The following TAS2R1 variants were observed in gnomAD, a reference collection of about 807,000 sequenced individuals.
The protein encoded by TAS2R1 is taste receptor type 2 member 1.
For missense variants in TAS2R1, 370 were observed against 353.4 expected, an observed-to-expected ratio of 1.05 and a Z score of -0.38; for synonymous variants, 141 against 134.2, an observed-to-expected ratio of 1.05 and a Z score of -0.35.
At chr5:9,875,980 T>C in the TAS2R1 span, among the ~76,000 whole-genome samples, 1 of 152,168 alleles carries the variant, frequency 6.6e-6, no homozygotes, top group Non-Finnish European at 1.5e-5. Context: ...ACTCCCACTT[T>C]GCCCCATGTC....
chr5:9,802,431 C>G, the TAS2R1 span, among the ~76,000 whole-genome samples: 1 of 152,168 alleles, frequency 6.6e-6, no homozygotes, highest in Non-Finnish European at 1.5e-5. Context: ...GAACAAGCAG[C>G]CCTTGAGTCC....
intron 1 of TAS2R1, among the ~76,000 whole-genome samples, chr5:9,701,218 G>C (rs936307687): frequency 9.5e-6 from 1 of 105,100 alleles, no homozygotes. Context: ...TGGCAGACAC[G>C]CAGACACACA....
chr5:9,778,340 G>C, the TAS2R1 span, among the ~76,000 whole-genome samples: 1 of 152,218 alleles, frequency 6.6e-6, no homozygotes, highest in African/African-American at 2.4e-5. Context: ...AGAGCAGGCA[G>C]AGTAGATTTA....
At chr5:9,887,187 C>A in the TAS2R1 span, among the ~76,000 whole-genome samples, 3 of 152,148 alleles carry the variant, frequency 2.0e-5, no homozygotes, top group African/African-American at 7.2e-5. Flanking sequence ...TAAATGACAA[C>A]TTGATCACAC....
At chr5:9,683,483 G>A (rs79247368) in intron 1 of TAS2R1, among the ~76,000 whole-genome samples, 7,170 of 152,216 alleles carry the variant, frequency 0.047, 226 homozygotes, top group Middle Eastern at 0.088. Context: ...GGCTTTACCC[G>A]TAAGCCTGCA....
chr5:9,855,169 G>C, the TAS2R1 span, among the ~76,000 whole-genome samples: 1 of 152,100 alleles, frequency 6.6e-6, no homozygotes, highest in African/African-American at 2.4e-5. Flanking sequence ...TGCAATCAGG[G>C]AGTCCCTCAC....
chr5:9,825,223 C>T, the TAS2R1 span, among the ~76,000 whole-genome samples: 5 of 152,228 alleles, frequency 3.3e-5, no homozygotes, highest in East Asian at 1.9e-4. Context: ...CCTGAGACTG[C>T]ATAATTTATA....
At chr5:9,650,285 G>T (rs1382755778) in intron 2 of TAS2R1, among the ~76,000 whole-genome samples, 3 of 143,480 alleles carry the variant, frequency 2.1e-5, no homozygotes, top group Admixed American at 7.0e-5. Flanking sequence ...CAAAATTAAA[G>T]AATTTTTTTT....
chr5:9,728,669 A>G, the TAS2R1 span, among the ~76,000 whole-genome samples: 2 of 152,204 alleles, frequency 1.3e-5, no homozygotes, highest in Non-Finnish European at 2.9e-5. Flanking sequence ...AGGGATAGAG[A>G]AGCCCATTTC....
At chr5:9,824,721 C>T in the TAS2R1 span, among the ~76,000 whole-genome samples, 1 of 151,830 alleles carries the variant, frequency 6.6e-6, no homozygotes, top group Non-Finnish European at 1.5e-5. Flanking sequence ...GTGGTGGGCG[C>T]CTGTAATCCC....
upstream of TAS2R1, among the ~76,000 whole-genome samples, chr5:9,716,545 T>TTATATATATATA (rs5865851): frequency 2.7e-5 from 4 of 148,426 alleles, no homozygotes; most frequent in African/African-American, 7.4e-5. Flanking sequence ...AGTACATATA[T>TTATATATATATA]TATATATATA....
At chr5:9,674,073 G>T (rs1215004646) in intron 1 of TAS2R1, among the ~76,000 whole-genome samples, 1 of 152,178 alleles carries the variant, frequency 6.6e-6, no homozygotes, top group East Asian at 1.9e-4. Context: ...CTCTCAAAGT[G>T]TCTGGCATTT....
chr5:9,638,188 T>C (rs750335413), intron 2 of TAS2R1, among the ~76,000 whole-genome samples: 4 of 152,178 alleles, frequency 2.6e-5, no homozygotes, highest in Non-Finnish European at 5.9e-5. Flanking sequence ...GCAGTGATTG[T>C]TGTTGCTCTT....
chr5:9,691,478 C>A (rs1741248942), intron 1 of TAS2R1, among the ~76,000 whole-genome samples: 1 of 152,264 alleles, frequency 6.6e-6, no homozygotes, highest in South Asian at 2.1e-4. Flanking sequence ...GGCATTCAGG[C>A]TGAAGGAGGC....
intron 1 of TAS2R1, among the ~76,000 whole-genome samples, chr5:9,694,535 AT>A (rs1490876694): frequency 1.3e-5 from 2 of 152,174 alleles, no homozygotes; most frequent in Non-Finnish European, 2.9e-5. Flanking sequence ...TTTGAAGTAT[AT>A]TTCCTCCTTT....
chr5:9,799,511 T>C, the TAS2R1 span, among the ~76,000 whole-genome samples: 1 of 152,142 alleles, frequency 6.6e-6, no homozygotes, highest in Non-Finnish European at 1.5e-5. Context: ...GTGAGAACAG[T>C]AGACTAAGAT....
the TAS2R1 span, among the ~76,000 whole-genome samples, chr5:9,783,520 G>T: frequency 6.6e-6 from 1 of 152,146 alleles, no homozygotes; most frequent in African/African-American, 2.4e-5. Flanking sequence ...CTGCTGGGAC[G>T]TCCTTCCTTG....
the TAS2R1 span, among the ~76,000 whole-genome samples, chr5:9,855,669 C>T: frequency 6.6e-6 from 1 of 152,216 alleles, no homozygotes; most frequent in Non-Finnish European, 1.5e-5. Context: ...TATCTTTGGC[C>T]ACTGGCTTGA....
chr5:9,780,757 C>G, the TAS2R1 span, among the ~76,000 whole-genome samples: 1 of 152,164 alleles, frequency 6.6e-6, no homozygotes, highest in Admixed American at 6.5e-5. Context: ...TTTAATCAAA[C>G]ACTAATCTAG....
Sources: allele counts gnomAD v4.1 joint callset (sites outside exome capture counted in the v4.1 genomes callset), GRCh38; gene constraint gnomAD v4.1.1; transcripts MANE v1.5; gene names NCBI Gene and HGNC (gene_info 2026-07-23, HGNC 2026-07-21).